Variants in METRNL observed in about 807,000 individuals in gnomAD.
METRNL encodes meteorin-like protein.
A neutral mutation model predicts 17.4 loss-of-function variants in METRNL; 9 were observed. That is an observed-to-expected ratio of 0.52 (90% CI 0.31 to 0.90). The LOEUF (loss-of-function observed/expected upper bound fraction) is 0.90, where lower values mean the gene tolerates loss of function less well. Among genes scored for constraint, METRNL ranks in the 40% least tolerant of loss-of-function variants. The pLI, the probability that METRNL is intolerant of heterozygous loss-of-function variation, is 0.05. For missense variants in METRNL, 408 were observed against 430.7 expected (o/e 0.95, Z 0.47); for synonymous variants, 215 against 199.3 (o/e 1.08, Z -0.66).
chr17:83,089,420 G>A (rs991093038), intron 2 of METRNL, among the ~76,000 whole-genome samples: 1 of 152,138 alleles, frequency 6.6e-6, no homozygotes, highest in Non-Finnish European at 1.5e-5. Flanking sequence ...CTGCCGGACC[G>A]GTCGGTGTCT....
intron 2 of METRNL, among the ~76,000 whole-genome samples, chr17:83,091,474 G>A (rs749339376): frequency 9.2e-5 from 14 of 152,238 alleles, no homozygotes; most frequent in African/African-American, 1.2e-4. Context: ...CAGGGTCTCC[G>A]TTGACCACAT....
intron 2 of METRNL, among the ~76,000 whole-genome samples, chr17:83,088,784 T>C (rs1006785087): frequency 6.1e-5 from 9 of 147,120 alleles, no homozygotes; most frequent in African/African-American, 2.3e-4. Flanking sequence ...CCCCTGCCGA[T>C]GAGCCCCCTC....
At position 83,079,875 on chromosome 17, in the gene METRNL, C is replaced by T. The variant is rs2037961198; in HGVS notation, c.60C>T (p.Pro20=). 2.1e-6 allele frequency: 2 copies of T among 975,268 alleles called. No homozygotes were observed. Among genetic ancestry groups the T allele is most frequent in the Non-Finnish European group, 1.2e-6 (1 of 822,460 alleles). The allele number at this position is 975,268 out of a possible 1,614,324, so 60.4% of individuals were successfully genotyped here. Residue 20 remains proline, a synonymous_variant, in exon 1 of 4, where the codon CCC becomes CCT. Transcript: ENST00000320095. ...GRAGQPWPRP[P]APGPPPPPLP... ...CGGGGCAGCCGTGGCCGCGACCCCCCGCCCCGGGCCCGCCCCCGCCGCCGC... is the reference window on the plus strand; with the variant it reads ...CGGGGCAGCCGTGGCCGCGACCCCCTGCCCCGGGCCCGCCCCCGCCGCCGC...
At chr17:83,084,699 C>T (rs2038028987) in intron 1 of METRNL, 5 of 562,750 alleles carry the variant, frequency 8.9e-6, no homozygotes, top group Non-Finnish European at 1.6e-5. Flanking sequence ...CCCCGCCCCA[C>T]CATGGCTCTT....
At chr17:83,085,455 C>T (rs1568336313) in intron 2 of METRNL, 132 bp downstream of exon 2, 26 of 1,245,488 alleles carry the variant, frequency 2.1e-5, no homozygotes, top group South Asian at 6.6e-5. Context: ...GTCTGTGCTT[C>T]GGACATGACT....
chr17:83,092,476 A>C (rs1460668139), intron 2 of METRNL: 1 of 152,276 alleles, frequency 6.6e-6, no homozygotes, highest in Non-Finnish European at 1.5e-5. Flanking sequence ...GGAAGCTGGG[A>C]AATGAGGGTG....
chr17:83,081,513 C>CCACCTCCAGGGGCGGGCGG (rs1327633128), intron 1 of METRNL, among the ~76,000 whole-genome samples: 1 of 152,090 alleles, frequency 6.6e-6, no homozygotes, highest in Admixed American at 6.5e-5. Flanking sequence ...GGCCACCCCT[C>CCACCTCCAGGGGCGGGCGG]CACCTCCAGG....
At chr17:83,081,775 G>A (rs2037992243) in intron 1 of METRNL, among the ~76,000 whole-genome samples, 1 of 152,204 alleles carries the variant, frequency 6.6e-6, no homozygotes, top group Non-Finnish European at 1.5e-5. Context: ...AGGGGACACG[G>A]GGCCCGGCTG....
At chr17:83,087,847 G>A (rs951978182) in intron 2 of METRNL, among the ~76,000 whole-genome samples, 6 of 152,100 alleles carry the variant, frequency 3.9e-5, no homozygotes, top group African/African-American at 1.5e-4. Context: ...TCGTCTGTGT[G>A]TCAGAAGTTC....
In METRNL at chr17:83,085,050, C is replaced by T. The variant is rs1269148492; in HGVS notation, c.283C>T (p.Pro95Ser). 1 of 1,613,932 alleles carries T rather than the reference C, an allele frequency of 6.2e-7. No individual in the cohort carries two copies. The highest frequency in any genetic ancestry group is 1.7e-5 in the Admixed American group (1 of 60,030). The change falls in exon 2 of 4, where the codon CCC (proline) becomes TCC (serine). Residue 95 changes from proline to serine, a missense_variant. Pro to Ser is a moderately conservative substitution (Grantham distance 74). Transcript: ENST00000320095. ...AGGTGCTCTCATCGTTAACCTGCGG[C>T]CCAACACCTTCTCGCCTGCCCGGCA... ...PTGALIVNLR[P>S]NTFSPARHLT... is the part of the protein sequence containing the mutation.
chr17:83,085,723 C>T (rs1342972172), intron 2 of METRNL, among the ~76,000 whole-genome samples: 1 of 152,244 alleles, frequency 6.6e-6, no homozygotes, highest in East Asian at 1.9e-4. Flanking sequence ...GAGCATCCCC[C>T]TGTGGCGGCC....
At chr17:83,084,679 G>A (rs367707773) in intron 1 of METRNL, 154 of 539,100 alleles carry the variant, frequency 2.9e-4, no homozygotes, top group Non-Finnish European at 4.5e-4. Context: ...CTGCACTCCC[G>A]GGAGCTCGGC....
Position 83,083,153 on chromosome 17 carries a change from C to T in METRNL, c.171-1785C>T, listed in dbSNP as rs190373138. Among the ~76,000 whole-genome samples the T allele has an allele frequency of 3.3e-5, 5 of 152,358 alleles. No individual in the cohort carries two copies. The East Asian group carries it at 9.6e-4, about 29-fold the overall frequency. On this transcript the variant is annotated intron_variant, in intron 1 of 3. Transcript: ENST00000320095. ...GCGGGTAGCATGTGCTAGGCCAGGA[C>T]GGCCCCCAGGCTCAAGTCGGCCTCC...
Position 83,093,253 on chromosome 17 carries a change from C to T in METRNL, c.616+27C>T, listed in dbSNP as rs193114173. The T allele has an allele frequency of 6.3e-6, 10 of 1,585,102 alleles. No individual in the cohort carries two copies. The Admixed American group carries it at 1.7e-4, about 26-fold the overall frequency. On this transcript the variant is annotated intron_variant, in intron 3 of 3. Transcript: ENST00000320095. ...TGAGTGTCTCCTCGGCAGCTTCTAC[C>T]TCCTGTGCTCCTGGTTTCTGCCACA...
intron 2 of METRNL, among the ~76,000 whole-genome samples, chr17:83,087,965 C>T (rs770679756): frequency 4.6e-5 from 7 of 152,196 alleles, no homozygotes; most frequent in Admixed American, 6.5e-5. Context: ...TCCCCCGCTC[C>T]GGTGGGTTTC....
intron 2 of METRNL, among the ~76,000 whole-genome samples, chr17:83,089,940 G>A (rs1378860431): frequency 6.6e-6 from 1 of 151,754 alleles, no homozygotes. Context: ...CCGTCAGCCG[G>A]GTGAGCCAGG....
At chr17:83,087,645 C>T (rs779717707) in intron 2 of METRNL, among the ~76,000 whole-genome samples, 9 of 152,206 alleles carry the variant, frequency 5.9e-5, no homozygotes, top group African/African-American at 9.6e-5. Context: ...GCAGCAGTGA[C>T]GCCATCCCCT....
At chr17:83,080,496 G>T (rs1347560521) in intron 1 of METRNL, among the ~76,000 whole-genome samples, 1 of 146,984 alleles carries the variant, frequency 6.8e-6, no homozygotes, top group African/African-American at 2.5e-5. Context: ...TGTGGCTCCG[G>T]CCGGGCCCCC....
intron 2 of METRNL, among the ~76,000 whole-genome samples, chr17:83,090,181 G>C (rs1320355804): frequency 5.5e-4 from 8 of 14,654 alleles, no homozygotes; most frequent in Admixed American, 3.9e-3. Flanking sequence ...CCCCTGCCCC[G>C]CCCCAGGGTG....
Sources: gnomAD v4.1 joint callset for allele counts (sites outside exome capture counted in the v4.1 genomes callset) on GRCh38, gnomAD v4.1.1 for gene constraint, MANE v1.5 for transcripts, NCBI Gene and HGNC (gene_info 2026-07-23, HGNC 2026-07-21) for gene names.